The following RIN2 variants were observed in gnomAD, a reference collection of about 807,000 sequenced individuals.
The protein encoded by RIN2 is RAB5 interacting protein 2.
Under a neutral mutation model 78.0 loss-of-function variants are expected in RIN2, and 36 were observed. That is an observed-to-expected ratio of 0.46 (90% CI 0.35 to 0.61). The LOEUF (loss-of-function observed/expected upper bound fraction) is 0.61, where lower values mean the gene tolerates loss of function less well. RIN2 is among the 20% of genes least tolerant of loss of function. The pLI is 0.00. For missense variants in RIN2, 1,087 were observed against 1,159.7 expected, an observed-to-expected ratio of 0.94 and a Z score of 0.91; for synonymous variants, 466 against 466.8, an observed-to-expected ratio of 1.00 and a Z score of 0.02.
At chr20:19,949,031 G>A (rs886290136) in intron 4 of RIN2, among the ~76,000 whole-genome samples, 1 of 149,556 alleles carries the variant, frequency 6.7e-6, no homozygotes, top group Admixed American at 6.6e-5. Flanking sequence ...TGTAATCCCA[G>A]CACTTTGGGA....
At chr20:19,959,673 G>A (rs2041673331) in intron 5 of RIN2, among the ~76,000 whole-genome samples, 1 of 152,200 alleles carries the variant, frequency 6.6e-6, no homozygotes, top group Admixed American at 6.5e-5. Flanking sequence ...AGGTAGGGGA[G>A]AGAATAGGTA....
rs138783595 is a variant in RIN2, at chr20:19,932,649, A to C, written c.58-2450A>C. 4.1e-3 allele frequency among the ~76,000 whole-genome samples: 627 copies of C among 152,194 alleles called. 3 individuals are homozygous for C. Among genetic ancestry groups the C allele is most frequent in the Middle Eastern group, 6.8e-3 (2 of 294 alleles). The stretch of plus-strand genomic sequence containing the variant: ...CTTCTTCTGACCTCTAAGTCCTGGG[A>C]GTGTCCAGAGCTATCTGCTGGGCCC... On this transcript the variant is annotated intron_variant, in intron 3 of 12. Coordinates refer to ENST00000255006, the MANE Select transcript of RIN2 (RefSeq NM_018993.4).
At chr20:19,969,584 T>C (rs1413044502) in intron 7 of RIN2, among the ~76,000 whole-genome samples, 2 of 152,200 alleles carry the variant, frequency 1.3e-5, no homozygotes, top group Non-Finnish European at 2.9e-5. Context: ...ATTCTGTAAA[T>C]TGTGTATTTG....
intron 3 of RIN2, among the ~76,000 whole-genome samples, chr20:19,925,530 A>G (rs1043531432): frequency 1.3e-5 from 2 of 152,274 alleles, no homozygotes; most frequent in Admixed American, 6.5e-5. Flanking sequence ...GAAACATATC[A>G]GACAATGGAT....
At chr20:19,917,708 A>G (rs1275235536) in intron 3 of RIN2, among the ~76,000 whole-genome samples, 1 of 152,110 alleles carries the variant, frequency 6.6e-6, no homozygotes, top group East Asian at 1.9e-4. Flanking sequence ...ACATATCACT[A>G]TATTGATATA....
chr20:19,942,442 A>G (rs1268398831), intron 4 of RIN2, among the ~76,000 whole-genome samples: 1 of 152,236 alleles, frequency 6.6e-6, no homozygotes, highest in African/African-American at 2.4e-5. Flanking sequence ...AGTTTTTTAA[A>G]AGAAACATTT....
At chr20:19,998,447 C>A (rs1302591299) in intron 12 of RIN2, among the ~76,000 whole-genome samples, 2 of 151,884 alleles carry the variant, frequency 1.3e-5, no homozygotes, top group African/African-American at 4.8e-5. Context: ...ACAACCACAA[C>A]AAAAAATTTT....
At chr20:19,891,674 C>T (rs1180063021) in intron 3 of RIN2, among the ~76,000 whole-genome samples, 2 of 152,156 alleles carry the variant, frequency 1.3e-5, no homozygotes, top group Non-Finnish European at 2.9e-5. Flanking sequence ...CAAAACTTAG[C>T]TGGGTGTGGT....
intron 1 of RIN2, among the ~76,000 whole-genome samples, chr20:19,772,757 C>A (rs188516665): frequency 1.3e-5 from 2 of 152,132 alleles, no homozygotes; most frequent in African/African-American, 4.8e-5. Flanking sequence ...TGCATGAAGT[C>A]GTTTTATGCT....
intron 3 of RIN2, among the ~76,000 whole-genome samples, chr20:19,905,624 G>C (rs1009075783): frequency 4.6e-5 from 7 of 152,186 alleles, no homozygotes; most frequent in Non-Finnish European, 7.3e-5. Context: ...GCGTGTGCCT[G>C]TAGTCCCAGG....
rs2041717910 is a variant in RIN2 at position 19,960,765 on chromosome 20, A to G, written c.417A>G (p.Glu139=). 1.2e-6 allele frequency: 2 copies of G among 1,604,440 alleles called. No homozygotes were observed. Among genetic ancestry groups the G allele is most frequent in the African/African-American group, 1.3e-5 (1 of 74,792 alleles). Residue 139 remains glutamate, a synonymous_variant, in exon 6 of 13, where the codon GAA becomes GAG. Transcript: ENST00000255006. ...KKVLSLRLPC[E]FGAPLKEFAI... ...TCCTCTCCCTCCGCCTGCCCTGTGA[A>G]TTTGGGGCCCCACTCAAGGAATTTG... is the stretch of plus-strand genomic sequence containing the variant.
intron 2 of RIN2, chr20:19,872,259 A>G (rs1023579828): frequency 1.3e-5 from 2 of 152,172 alleles, no homozygotes; most frequent in African/African-American, 4.8e-5. Context: ...CTGTAAGTCA[A>G]TTAAACCTCT....
intron 2 of RIN2, among the ~76,000 whole-genome samples, chr20:19,820,390 A>G (rs2035891683): frequency 6.6e-6 from 1 of 152,236 alleles, no homozygotes; most frequent in South Asian, 2.1e-4. Flanking sequence ...CAAAAAGTAA[A>G]GTAATGCACT....
chr20:19,967,314 G>C (rs1304795679), intron 7 of RIN2, among the ~76,000 whole-genome samples: 2 of 152,150 alleles, frequency 1.3e-5, no homozygotes, highest in Non-Finnish European at 2.9e-5. Context: ...TAATTTCCCT[G>C]TCTGTTCCAA....
At chr20:19,892,345 A>T (rs1425253324) in intron 3 of RIN2, among the ~76,000 whole-genome samples, 1 of 152,090 alleles carries the variant, frequency 6.6e-6, no homozygotes, top group East Asian at 1.9e-4. Flanking sequence ...CCTCCCGAGC[A>T]GCTGGGATTA....
At chr20:19,865,443 C>T (rs1396370430) in intron 2 of RIN2, among the ~76,000 whole-genome samples, 1 of 151,462 alleles carries the variant, frequency 6.6e-6, no homozygotes, top group Non-Finnish European at 1.5e-5. Flanking sequence ...TCAGGGATTA[C>T]ACAATTTTAA....
rs79043089 is a variant in RIN2 at position 19,917,736 on chromosome 20, G to A, written c.58-17363G>A. On this transcript the variant is annotated intron_variant, in intron 3 of 12. Transcript: ENST00000255006. ...TTGATATATTGACATACAATATATC[G>A]ATATATACTGTACATCTCAAGAAAT... 8.3e-3 allele frequency among the ~76,000 whole-genome samples: 1,220 copies of A among 147,704 alleles called. 15 individuals carry two copies. The highest frequency in any genetic ancestry group is 0.043 in the East Asian group (199 of 4,662).
chr20:19,978,196 G>T (rs1365166343), intron 9 of RIN2, among the ~76,000 whole-genome samples: 1 of 152,100 alleles, frequency 6.6e-6, no homozygotes. Context: ...ATTTCCTATA[G>T]CTTCTGAAGA....
chr20:19,888,382 T>C (rs773103835), intron 2 of RIN2, among the ~76,000 whole-genome samples: 6 of 152,190 alleles, frequency 3.9e-5, no homozygotes, highest in Admixed American at 6.5e-5. Flanking sequence ...AGCTATAGAT[T>C]CATGCTTTTC....
Sources: gnomAD v4.1 joint callset for allele counts (sites outside exome capture counted in the v4.1 genomes callset) on GRCh38, gnomAD v4.1.1 for gene constraint, MANE v1.5 for transcripts, NCBI Gene and HGNC (gene_info 2026-07-23, HGNC 2026-07-21) for gene names.